CCSER1: variants seen among roughly 807,000 people sequenced by gnomAD.
CCSER1 encodes serine-rich coiled-coil domain-containing protein 1.
In CCSER1, 41 loss-of-function variants were observed where a neutral mutation model predicts 82.0. The ratio of observed to expected loss-of-function variants is 0.50; its 90% CI spans 0.39 to 0.65. The LOEUF is 0.65. Ranked by LOEUF, CCSER1 falls within the 30% of genes least tolerant of loss-of-function variation. The pLI, the probability that CCSER1 is intolerant of heterozygous loss-of-function variation, is 0.00. For synonymous variants in CCSER1, 414 were observed against 383.9 expected (o/e 1.08, Z -0.92); for missense variants, 1,119 against 1,064.2 (o/e 1.05, Z -0.72).
rs542159892 is a variant in CCSER1 at position 90,614,116 on chromosome 4, A to G, written c.1725-13909A>G. On this transcript the variant is annotated intron_variant, in intron 5 of 10. Coordinates refer to ENST00000509176, the MANE Select transcript of CCSER1 (RefSeq NM_001145065.2). ...CAATTTGGTATTCACACAAGATTTC[A>G]AACTTTTTCATTATTATATTAGTTA... 2.0e-5 allele frequency among the ~76,000 whole-genome samples: 3 copies of G among 152,016 alleles called. No homozygotes were observed. In the South Asian group the frequency reaches 6.2e-4, roughly 31 times the overall value.
Position 90,199,139 on chromosome 4 carries a change from A to G in CCSER1, c.-42+71308A>G, listed in dbSNP as rs535718982. On this transcript the variant is annotated intron_variant, in intron 1 of 10. Coordinates refer to ENST00000509176, the MANE Select transcript of CCSER1 (RefSeq NM_001145065.2). ...CTGGTCAGCAGTCTTTAGGTTTGCA[A>G]ATAGTGATTTTGAAACAGATTTGTA... Among the ~76,000 whole-genome samples the G allele has an allele frequency of 2.3e-4, 35 of 152,306 alleles. No homozygotes were observed. In the South Asian group the frequency reaches 7.3e-3, roughly 32 times the overall value.
intron 10 of CCSER1, among the ~76,000 whole-genome samples, chr4:91,539,976 C>T (rs1167913909): frequency 1.3e-5 from 2 of 152,002 alleles, no homozygotes; most frequent in African/African-American, 4.8e-5. Flanking sequence ...GATTGCTTAT[C>T]TTTAATCTAT....
chr4:91,447,037 G>A (rs1210237540), intron 10 of CCSER1, among the ~76,000 whole-genome samples: 2 of 152,028 alleles, frequency 1.3e-5, no homozygotes, highest in Admixed American at 1.3e-4. Flanking sequence ...CAGGGACATG[G>A]GGTGTCAACC....
chr4:91,241,752 T>C lies in CCSER1; in HGVS notation c.2217+155758T>C, dbSNP rs1739385566. On this transcript the variant is annotated intron_variant, in intron 10 of 10. Transcript: ENST00000509176. ...TTTTAAAATTTTATTTACACATTAA[T>C]GTTCCATTTACATTTTGTAAAATAA... 2.6e-5 allele frequency among the ~76,000 whole-genome samples: 4 copies of C among 152,122 alleles called. No homozygotes were observed. In the South Asian group the frequency reaches 8.3e-4, roughly 31 times the overall value.
At chr4:90,295,845 T>A (rs1731786349) in intron 1 of CCSER1, among the ~76,000 whole-genome samples, 1 of 152,010 alleles carries the variant, frequency 6.6e-6, no homozygotes, top group African/African-American at 2.4e-5. Flanking sequence ...AGTGTCCCCA[T>A]CTTATTAGAC....
chr4:91,548,180 A>G (rs1039488935), intron 10 of CCSER1, among the ~76,000 whole-genome samples: 5 of 152,186 alleles, frequency 3.3e-5, no homozygotes, highest in Admixed American at 1.3e-4. Flanking sequence ...TGGTTGCGCT[A>G]AAGTTTGCAA....
intron 1 of CCSER1, among the ~76,000 whole-genome samples, chr4:90,220,891 C>A (rs1213835045): frequency 6.6e-6 from 1 of 152,072 alleles, no homozygotes; most frequent in Admixed American, 6.6e-5. Context: ...TTCTTATTCC[C>A]TTCTCCATTT....
At chr4:91,535,507 G>A (rs1161243053) in intron 10 of CCSER1, among the ~76,000 whole-genome samples, 1 of 151,988 alleles carries the variant, frequency 6.6e-6, no homozygotes, top group Non-Finnish European at 1.5e-5. Context: ...TCCACTAGGA[G>A]GTATTCTCAT....
intron 10 of CCSER1, among the ~76,000 whole-genome samples, chr4:91,144,422 G>A (rs757103548): frequency 3.5e-4 from 53 of 151,542 alleles, no homozygotes; most frequent in African/African-American, 1.3e-3. Context: ...TTTTATTTTT[G>A]TTGATCTTTT....
At chr4:90,753,541 T>G (rs1749044850) in intron 7 of CCSER1, among the ~76,000 whole-genome samples, 1 of 152,126 alleles carries the variant, frequency 6.6e-6, no homozygotes, top group Non-Finnish European at 1.5e-5. Context: ...GTGTTGAGAA[T>G]ATATAAATAT....
chr4:90,796,497 A>G (rs1460727649), intron 7 of CCSER1, among the ~76,000 whole-genome samples: 1 of 142,264 alleles, frequency 7.0e-6, no homozygotes, highest in Non-Finnish European at 1.5e-5. Context: ...TTCAGCTTTG[A>G]TTTTAGTTAT....
intron 10 of CCSER1, among the ~76,000 whole-genome samples, chr4:91,172,837 A>AT (rs997437843): frequency 1.3e-5 from 2 of 151,914 alleles, no homozygotes; most frequent in African/African-American, 4.8e-5. Flanking sequence ...TAATGTAAAA[A>AT]AATACAAATA....
chr4:91,203,213 A>G (rs961952464), intron 10 of CCSER1, among the ~76,000 whole-genome samples: 6 of 151,726 alleles, frequency 4.0e-5, no homozygotes, highest in African/African-American at 1.2e-4. Context: ...TGGTATCTCA[A>G]TGTGGTTTTG....
chr4:90,190,645 C>T (rs1271350797), intron 1 of CCSER1, among the ~76,000 whole-genome samples: 2 of 152,098 alleles, frequency 1.3e-5, no homozygotes, highest in South Asian at 2.1e-4. Flanking sequence ...CACTTGTTCC[C>T]AGACAATAGT....
At chr4:90,401,528 ATTTGTTTTTGT>A (rs985882318) in intron 4 of CCSER1, among the ~76,000 whole-genome samples, 5 of 152,082 alleles carry the variant, frequency 3.3e-5, no homozygotes, top group African/African-American at 1.2e-4. Flanking sequence ...AGGATATATT[ATTTGTTTTTGT>A]TTTGTTTTGT....
intron 8 of CCSER1, among the ~76,000 whole-genome samples, chr4:90,879,661 G>A (rs1720985520): frequency 7.5e-6 from 1 of 132,746 alleles, no homozygotes; most frequent in Non-Finnish European, 1.7e-5. Context: ...AGAAGAAGAG[G>A]AAAGAAGAAG....
intron 6 of CCSER1, among the ~76,000 whole-genome samples, chr4:90,646,372 C>T (rs1247758625): frequency 6.6e-6 from 1 of 152,010 alleles, no homozygotes; most frequent in East Asian, 1.9e-4. Flanking sequence ...CCTATATGTT[C>T]ATTGGGTTTG....
intron 7 of CCSER1, among the ~76,000 whole-genome samples, chr4:90,792,425 T>C (rs892562061): frequency 1.3e-5 from 2 of 152,194 alleles, no homozygotes; most frequent in Non-Finnish European, 2.9e-5. Flanking sequence ...AAACTGCATA[T>C]GTATTCCCAA....
intron 9 of CCSER1, among the ~76,000 whole-genome samples, chr4:90,963,145 T>C (rs926006234): frequency 6.6e-6 from 1 of 152,156 alleles, no homozygotes; most frequent in Non-Finnish European, 1.5e-5. Context: ...ACTGAACAGC[T>C]CTTATTATAT....
Sources: allele counts gnomAD v4.1 joint callset (sites outside exome capture counted in the v4.1 genomes callset), GRCh38; gene constraint gnomAD v4.1.1; transcripts MANE v1.5; gene names NCBI Gene and HGNC (gene_info 2026-07-23, HGNC 2026-07-21).